CDH12: variants seen among roughly 807,000 people sequenced by gnomAD.
CDH12 encodes the protein cadherin 12.
CDH12 carries 41 observed loss-of-function variants against 74.1 expected under a neutral mutation model. The ratio of observed to expected loss-of-function variants is 0.55; its 90% CI spans 0.43 to 0.72. The LOEUF (loss-of-function observed/expected upper bound fraction) is 0.72, where lower values mean the gene tolerates loss of function less well. Ranked by LOEUF, CDH12 falls within the 30% of genes least tolerant of loss-of-function variation. CDH12 has a pLI of 0.00. For missense variants in CDH12, 945 were observed against 977.2 expected (o/e 0.97, Z 0.44); for synonymous variants, 399 against 355.0 (o/e 1.12, Z -1.39).
intron 3 of CDH12, among the ~76,000 whole-genome samples, chr5:22,376,727 T>C (rs1229209519): frequency 1.3e-5 from 2 of 148,288 alleles, no homozygotes; most frequent in African/African-American, 5.0e-5. Context: ...CTCATTATAT[T>C]GCCCAGGCCA....
At chr5:22,825,463 A>G (rs958614541) in intron 1 of CDH12, among the ~76,000 whole-genome samples, 29 of 152,274 alleles carry the variant, frequency 1.9e-4, no homozygotes, top group African/African-American at 7.0e-4. Context: ...CCAAGCAAAT[A>G]TCTGATAAAA....
chr5:22,171,364 A>C (rs1308969770), intron 4 of CDH12, among the ~76,000 whole-genome samples: 2 of 151,890 alleles, frequency 1.3e-5, no homozygotes, highest in Non-Finnish European at 2.9e-5. Flanking sequence ...TGTTATTATA[A>C]GATGTTGCTT....
At chr5:22,345,603 C>T (rs1480508078) in intron 3 of CDH12, among the ~76,000 whole-genome samples, 1 of 152,222 alleles carries the variant, frequency 6.6e-6, no homozygotes, top group African/African-American at 2.4e-5. Flanking sequence ...TTTGCCATTA[C>T]TGATGGCTGT....
chr5:22,179,117 G>A (rs1322304352), intron 4 of CDH12, among the ~76,000 whole-genome samples: 2 of 152,124 alleles, frequency 1.3e-5, no homozygotes, highest in Non-Finnish European at 2.9e-5. Flanking sequence ...CACATAATAG[G>A]CAGTTAATAA....
intron 4 of CDH12, 112 bp from the exon 5 acceptor site, chr5:22,078,974 A>G (rs1742529138): frequency 2.8e-6 from 1 of 359,744 alleles, no homozygotes; most frequent in East Asian, 7.7e-5. Context: ...GAAAGACTAT[A>G]AAAGAATTAT....
At chr5:22,790,246 GA>G (rs1486069375) in intron 1 of CDH12, among the ~76,000 whole-genome samples, 4 of 152,036 alleles carry the variant, frequency 2.6e-5, no homozygotes, top group Non-Finnish European at 4.4e-5. Flanking sequence ...AGAAATAACA[GA>G]GGGGAAAAAA....
intron 1 of CDH12, among the ~76,000 whole-genome samples, chr5:22,544,269 A>G (rs1489293222): frequency 2.6e-5 from 4 of 152,120 alleles, no homozygotes; most frequent in African/African-American, 4.8e-5. Context: ...GTTGTTTACA[A>G]TCTGATGAAA....
At chr5:21,972,506 G>A (rs977895967) in intron 6 of CDH12, among the ~76,000 whole-genome samples, 3 of 152,252 alleles carry the variant, frequency 2.0e-5, no homozygotes, top group Middle Eastern at 3.4e-3. Flanking sequence ...AAAACATAAT[G>A]TTTTCTTAGA....
At chr5:22,758,565 G>A (rs1439117683) in intron 1 of CDH12, among the ~76,000 whole-genome samples, 1 of 150,844 alleles carries the variant, frequency 6.6e-6, no homozygotes, top group East Asian at 1.9e-4. Flanking sequence ...TTTGACAGAA[G>A]TTGGTCTTAT....
At chr5:22,215,495 T>C (rs1436465147) in intron 3 of CDH12, among the ~76,000 whole-genome samples, 1 of 152,142 alleles carries the variant, frequency 6.6e-6, no homozygotes, top group Non-Finnish European at 1.5e-5. Flanking sequence ...CTTCCAAATA[T>C]ATAATTCCAT....
chr5:22,590,790 T>C (rs1736270200), intron 1 of CDH12, among the ~76,000 whole-genome samples: 1 of 152,216 alleles, frequency 6.6e-6, no homozygotes, highest in Non-Finnish European at 1.5e-5. Flanking sequence ...TCAGGGCCTA[T>C]TTGCAGGTCT....
intron 1 of CDH12, among the ~76,000 whole-genome samples, chr5:22,704,406 A>T (rs1481158643): frequency 6.6e-6 from 1 of 151,174 alleles, no homozygotes; most frequent in Non-Finnish European, 1.5e-5. Flanking sequence ...TTGCAATCAA[A>T]TTTTTTTTTA....
rs566571779 is a variant in CDH12, at chr5:22,175,509, C to G, written c.-187+36989G>C. On this transcript the variant is annotated intron_variant, in intron 4 of 14. Transcript: ENST00000382254. ...TATATCTATAAATGTATTTCTTTGC[C>G]TATTTCCCAGGCTTGAGTTTTCCTA... 3.9e-5 allele frequency among the ~76,000 whole-genome samples: 6 copies of G among 152,066 alleles called. No homozygotes were observed. In the South Asian group the frequency reaches 1.2e-3, roughly 32 times the overall value.
At chr5:22,767,914 A>C (rs545682043) in intron 1 of CDH12, among the ~76,000 whole-genome samples, 2 of 152,156 alleles carry the variant, frequency 1.3e-5, no homozygotes, top group East Asian at 3.9e-4. Flanking sequence ...TCAATGCAGA[A>C]CATAAGCATT....
At chr5:22,608,980 G>A (rs1160430328) in intron 1 of CDH12, among the ~76,000 whole-genome samples, 2 of 152,104 alleles carry the variant, frequency 1.3e-5, no homozygotes, top group Non-Finnish European at 1.5e-5. Context: ...AGGGAACAAG[G>A]GAACCTGGAA....
intron 4 of CDH12, among the ~76,000 whole-genome samples, chr5:22,210,601 T>A (rs1359784701): frequency 6.6e-6 from 1 of 152,032 alleles, no homozygotes; most frequent in Non-Finnish European, 1.5e-5. Flanking sequence ...TTCCCTCAAT[T>A]TTTAAACATA....
At chr5:21,909,477 G>A (rs970086066) in intron 6 of CDH12, among the ~76,000 whole-genome samples, 11 of 152,054 alleles carry the variant, frequency 7.2e-5, no homozygotes, top group Non-Finnish European at 1.2e-4. Context: ...AGTGAGAAAT[G>A]TAACGAGTTG....
At position 21,975,115 on chromosome 5, in the gene CDH12, T is replaced by C. The variant is rs1234693195; in HGVS notation, c.502A>G (p.Thr168Ala). Reference protein sequence around the residue: ...PKFLDGPYVATVPEMSPVGAY... With the variant: ...PKFLDGPYVAAVPEMSPVGAY... ...CCCACAGGAGACATTTCTGGAACAGTAGCAACATAAGGTCCATCCAAAAAC... is the reference window on the plus strand; with the variant it reads ...CCCACAGGAGACATTTCTGGAACAGCAGCAACATAAGGTCCATCCAAAAAC... Residue 168 changes from threonine (T) to alanine (A), a missense_variant, in exon 6 of 15, where the codon ACT becomes GCT. By Grantham distance (58) the Thr-to-Ala change is moderately conservative. This residue lies in a region of CDH12 where 791 missense variants were observed against 792.8 expected (regional missense o/e 1.00). Coordinates refer to ENST00000382254, the MANE Select transcript of CDH12 (RefSeq NM_004061.5). 5 of 1,596,496 alleles carry C rather than the reference T, an allele frequency of 3.1e-6. No individual in the cohort carries two copies. Among genetic ancestry groups the C allele is most frequent in the East Asian group, 2.2e-5 (1 of 44,866 alleles).
chr5:22,297,183 G>A (rs1351545913), intron 3 of CDH12, among the ~76,000 whole-genome samples: 3 of 151,832 alleles, frequency 2.0e-5, no homozygotes, highest in East Asian at 1.9e-4. Context: ...TACCATGCCC[G>A]GCTAATTTTG....
Sources: allele counts gnomAD v4.1 joint callset (sites outside exome capture counted in the v4.1 genomes callset), GRCh38; gene constraint gnomAD v4.1.1; regional missense constraint gnomAD v4.1.1; transcripts MANE v1.5; gene names NCBI Gene and HGNC (gene_info 2026-07-23, HGNC 2026-07-21).